CAMSAP2: variants seen among roughly 807,000 people sequenced by gnomAD.
CAMSAP2 encodes calmodulin regulated spectrin associated protein family member 2, also known as calmodulin-regulated spectrin-associated protein 2.
A neutral mutation model predicts 146.1 loss-of-function variants in CAMSAP2; 26 were observed. The ratio of observed to expected loss-of-function variants is 0.18; its 90% CI spans 0.13 to 0.25. CAMSAP2 has a LOEUF of 0.25. Ranked by LOEUF, CAMSAP2 falls within the 10% of genes least tolerant of loss-of-function variation. The probability of loss-of-function intolerance (pLI) is 1.00; values close to 1 mark genes in which losing one functional copy is unlikely to be tolerated. For missense variants in CAMSAP2, 1,381 were observed against 1,759.3 expected, an observed-to-expected ratio of 0.78 and a Z score of 3.85; for synonymous variants, 499 against 596.6, an observed-to-expected ratio of 0.84 and a Z score of 2.38.
In CAMSAP2 at chr1:200,853,186, T is replaced by G; in HGVS notation, c.3603-89T>G. 4.4e-6 allele frequency: 5 copies of G among 1,137,486 alleles called. No homozygotes were observed. The highest frequency in any genetic ancestry group is 5.1e-6 in the Non-Finnish European group (4 of 784,306). 70.5% of individuals were successfully genotyped at this position (1,137,486 alleles called of 1,614,324 possible). A position where few individuals can be genotyped will look rare whatever the true frequency, so the allele number is the denominator to read the frequency against. ...ATTCACCAAGGTGATGAAATAGAATTCTCCTTTCTCATATCAAATACATAA... is the reference window on the plus strand; with the variant it reads ...ATTCACCAAGGTGATGAAATAGAATGCTCCTTTCTCATATCAAATACATAA... On this transcript the variant is annotated intron_variant, in intron 12 of 16. Transcript: ENST00000358823. This position sits in a 1 kb window ranked among gnomAD's most constrained non-coding sequence, Gnocchi z 5.1.
At chr1:200,816,115 G>A (rs1666475794) in intron 4 of CAMSAP2, among the ~76,000 whole-genome samples, 1 of 151,918 alleles carries the variant, frequency 6.6e-6, no homozygotes, top group Non-Finnish European at 1.5e-5. Context: ...CAAACATGAT[G>A]AAGCCCCATC....
chr1:200,815,820 A>C (rs146826954), intron 4 of CAMSAP2, among the ~76,000 whole-genome samples, 176 bp downstream of exon 4: 241 of 152,346 alleles, frequency 1.6e-3, no homozygotes, highest in African/African-American at 5.8e-3. Context: ...ATGAAGGTTA[A>C]TTGGATGATG....
chr1:200,821,865 A>G (rs1413023701), intron 4 of CAMSAP2, among the ~76,000 whole-genome samples: 1 of 152,198 alleles, frequency 6.6e-6, no homozygotes, highest in Non-Finnish European at 1.5e-5. Flanking sequence ...GAGTATGATA[A>G]CCATTAGATT....
At chr1:200,753,967 A>G (rs1196119344) in intron 1 of CAMSAP2, among the ~76,000 whole-genome samples, 3 of 152,204 alleles carry the variant, frequency 2.0e-5, no homozygotes, top group Non-Finnish European at 2.9e-5. Flanking sequence ...CAGAGCAAAG[A>G]TATTCAGACA....
At chr1:200,844,107 G>A (rs1397887956) in intron 7 of CAMSAP2, among the ~76,000 whole-genome samples, 4 of 151,912 alleles carry the variant, frequency 2.6e-5, no homozygotes, top group Admixed American at 6.6e-5. Flanking sequence ...TCCTGACCTC[G>A]TGATCCACCG....
rs1472377343 is a variant in CAMSAP2 at position 200,848,305 on chromosome 1, T to C, written c.1536T>C (p.Asn512=). ...TTAACACAAATGAACTAAATTCTAA[T>C]GAGAATATTCATTACAAGCTTCCAA... The part of the protein sequence containing the change: ...VPLNTNELNS[N]ENIHYKLPNG... The change falls in exon 11 of 17, where the codon AAT becomes AAC. Residue 512 remains asparagine (N), a synonymous_variant. Transcript: ENST00000358823. 2 of 1,613,486 alleles carry C rather than the reference T, an allele frequency of 1.2e-6. No individual in the cohort carries two copies. Among genetic ancestry groups the C allele is most frequent in the Non-Finnish European group, 1.7e-6 (2 of 1,179,784 alleles).
In CAMSAP2 at chr1:200,860,326, A is replaced by G. The variant is rs1019930068; in HGVS notation, c.*2267A>G. ...CTTACTGAAACACACTGGTGCTTTC[A>G]TCATCAGAGGTCAAATTATTATGAT... On this transcript the variant is annotated 3_prime_UTR_variant, in exon 17 of 17. Transcript: ENST00000358823. 24 of 152,874 alleles carry G rather than the reference A, an allele frequency of 1.6e-4. No individual in the cohort carries two copies. Among genetic ancestry groups the G allele is most frequent in the African/African-American group, 5.8e-4 (24 of 41,576 alleles). 9.5% of individuals were successfully genotyped at this position (152,874 alleles called of 1,614,324 possible). A position where few individuals can be genotyped will look rare whatever the true frequency, so the allele number is the denominator to read the frequency against.
At chr1:200,816,245 G>A (rs1241354631) in intron 4 of CAMSAP2, among the ~76,000 whole-genome samples, 1 of 151,756 alleles carries the variant, frequency 6.6e-6, no homozygotes, top group Non-Finnish European at 1.5e-5. Context: ...CCGAGATCAT[G>A]CCACTGCACT....
At chr1:200,785,538 C>G (rs1427100036) in intron 2 of CAMSAP2, among the ~76,000 whole-genome samples, 1 of 149,860 alleles carries the variant, frequency 6.7e-6, no homozygotes, top group Non-Finnish European at 1.5e-5. Context: ...ACAGGTGTCC[C>G]CCCACCACAC....
chr1:200,828,408 G>A (rs1036770430), intron 4 of CAMSAP2, among the ~76,000 whole-genome samples: 1 of 152,116 alleles, frequency 6.6e-6, no homozygotes, highest in Non-Finnish European at 1.5e-5. Flanking sequence ...AGGAACTTAT[G>A]TATTTTTAAC....
intron 2 of CAMSAP2, among the ~76,000 whole-genome samples, chr1:200,761,857 G>A (rs1216129567): frequency 2.6e-5 from 4 of 152,230 alleles, no homozygotes; most frequent in African/African-American, 4.8e-5. Context: ...CACACAGAAG[G>A]CCTCTAAGCT....
intron 4 of CAMSAP2, chr1:200,831,997 T>C (rs1011789248): frequency 2.3e-5 from 12 of 511,606 alleles, no homozygotes; most frequent in Non-Finnish European, 4.1e-5. Flanking sequence ...TATTAAGTAT[T>C]GAGCTTCAAA....
intron 6 of CAMSAP2, among the ~76,000 whole-genome samples, chr1:200,835,709 T>C (rs904569782): frequency 6.6e-6 from 1 of 152,214 alleles, no homozygotes; most frequent in African/African-American, 2.4e-5. Flanking sequence ...CATATATATC[T>C]TGTAATGCTT....
intron 2 of CAMSAP2, among the ~76,000 whole-genome samples, chr1:200,768,873 C>T (rs767495437): frequency 5.9e-5 from 9 of 151,996 alleles, no homozygotes; most frequent in South Asian, 2.1e-4. Flanking sequence ...AGGATGGTCT[C>T]GACCTCCTGA....
chr1:200,813,623 GA>G (rs1393696237), intron 3 of CAMSAP2, among the ~76,000 whole-genome samples: 3 of 152,296 alleles, frequency 2.0e-5, no homozygotes, highest in African/African-American at 7.2e-5. Context: ...ATACATGAGT[GA>G]ATGGTGGTTT....
chr1:200,827,186 C>A (rs545905994), intron 4 of CAMSAP2, among the ~76,000 whole-genome samples: 2 of 152,230 alleles, frequency 1.3e-5, no homozygotes, highest in South Asian at 4.1e-4. Context: ...CAGTTTAGAT[C>A]AATGGAGGGC....
chr1:200,849,215 G>C lies in CAMSAP2; in HGVS notation c.2446G>C (p.Asp816His), dbSNP rs1667548179. The change falls in exon 11 of 17, where the codon GAT becomes CAT. Residue 816 changes from aspartate to histidine, a missense_variant. By Grantham distance (81) the Asp-to-His change is moderately conservative. This residue lies in a region of CAMSAP2 where 560 missense variants were observed against 715.9 expected (regional missense o/e 0.78). Coordinates refer to ENST00000358823, the MANE Select transcript of CAMSAP2 (RefSeq NM_203459.4). The surrounding 1 kb of genome is among the most constrained non-coding windows in gnomAD (Gnocchi z 6.3). ...TGCAGAAGATGAGAAAGTATATACTGATCGAGCAAAAGAAAAGGAATCACA... is the reference window on the plus strand; with the variant it reads ...TGCAGAAGATGAGAAAGTATATACTCATCGAGCAAAAGAAAAGGAATCACA... ...AGAEDEKVYTDRAKEKESQKT... is the reference protein window; with the variant it reads ...AGAEDEKVYTHRAKEKESQKT... 1 of 1,613,852 alleles carries C rather than the reference G, an allele frequency of 6.2e-7. No individual in the cohort carries two copies. Among genetic ancestry groups the C allele is most frequent in the Non-Finnish European group, 8.5e-7 (1 of 1,179,994 alleles).
intron 14 of CAMSAP2, among the ~76,000 whole-genome samples, chr1:200,855,783 G>C (rs1044128907): frequency 6.6e-6 from 1 of 151,996 alleles, no homozygotes; most frequent in Non-Finnish European, 1.5e-5. Flanking sequence ...TTTTGGTAGA[G>C]ACGGGCTTTC....
In CAMSAP2 at chr1:200,853,305, A is replaced by G. The variant is rs368542890; in HGVS notation, c.3633A>G (p.Lys1211=). The G allele has an allele frequency of 2.0e-5, 33 of 1,613,430 alleles. No homozygotes were observed. The highest frequency in any genetic ancestry group is 1.8e-4 in the Admixed American group (11 of 59,984). Residue 1211 remains lysine, a synonymous_variant, in exon 13 of 17, where the codon AAA becomes AAG. Transcript: ENST00000358823. The surrounding 1 kb of genome is among the most constrained non-coding windows in gnomAD (Gnocchi z 5.1). The part of the protein sequence containing the change: ...RRKTEEERQK[K]EDERARREFI... ...AAACTGAGGAAGAACGTCAGAAGAAAGAAGATGAGAGAGCACGCAGAGAAT... is the reference window on the plus strand; with the variant it reads ...AAACTGAGGAAGAACGTCAGAAGAAGGAAGATGAGAGAGCACGCAGAGAAT...
Sources: allele counts gnomAD v4.1 joint callset (sites outside exome capture counted in the v4.1 genomes callset), GRCh38; gene constraint gnomAD v4.1.1; regional missense constraint gnomAD v4.1.1; non-coding constraint Gnocchi (gnomAD v3.1); transcripts MANE v1.5; gene names NCBI Gene and HGNC (gene_info 2026-07-23, HGNC 2026-07-21).